The following CNTN1 variants were observed in gnomAD, a reference collection of about 807,000 sequenced individuals.
CNTN1 encodes contactin-1.
In CNTN1, 38 loss-of-function variants were observed where a neutral mutation model predicts 126.4. The ratio of observed to expected loss-of-function variants is 0.30; its 90% CI spans 0.23 to 0.39. CNTN1 has a LOEUF of 0.39. Among genes scored for constraint, CNTN1 ranks in the 10% least tolerant of loss-of-function variants. CNTN1 has a pLI of 1.00. For missense variants in CNTN1, 1,009 were observed against 1,248.4 expected, an observed-to-expected ratio of 0.81 and a Z score of 2.89; for synonymous variants, 413 against 422.6, an observed-to-expected ratio of 0.98 and a Z score of 0.28.
intron 23 of CNTN1, among the ~76,000 whole-genome samples, chr12:41,035,143 C>T (rs879676512): frequency 2.6e-5 from 4 of 152,184 alleles, no homozygotes; most frequent in East Asian, 1.9e-4. Flanking sequence ...CAAGTTCTCA[C>T]AACAACTTCA....
intron 16 of CNTN1, among the ~76,000 whole-genome samples, chr12:40,989,220 G>A (rs74076926): frequency 1.3e-5 from 2 of 152,152 alleles, no homozygotes; most frequent in Non-Finnish European, 2.9e-5. Flanking sequence ...AAGAGAAAAG[G>A]ATCCAATAGT....
At position 40,888,425 on chromosome 12, in the gene CNTN1, A is replaced by G. The variant is rs115418573; in HGVS notation, c.-76-19932A>G. Reference sequence around the variant, plus strand: ...TGTCGAAAATAAAAAGACTTTAGGTACATTAATTTACATTTTTAAGAGTCT... The same window carrying G: ...TGTCGAAAATAAAAAGACTTTAGGTGCATTAATTTACATTTTTAAGAGTCT... On this transcript the variant is annotated intron_variant, in intron 1 of 23. Coordinates refer to ENST00000551295, the MANE Select transcript of CNTN1 (RefSeq NM_001843.4). Among the ~76,000 whole-genome samples the G allele has an allele frequency of 3.6e-3, 556 of 152,340 alleles. 4 individuals carry two copies. Among genetic ancestry groups the G allele is most frequent in the African/African-American group, 0.013 (526 of 41,582 alleles).
At chr12:40,968,102 A>G (rs1023221373) in intron 15 of CNTN1, among the ~76,000 whole-genome samples, 14 of 152,180 alleles carry the variant, frequency 9.2e-5, no homozygotes, top group Admixed American at 6.6e-4. Flanking sequence ...TAATGAGGCT[A>G]AGTTAATCAC....
chr12:40,707,038 G>A (rs533390239), intron 1 of CNTN1, among the ~76,000 whole-genome samples: 9 of 103,938 alleles, frequency 8.7e-5, no homozygotes, highest in South Asian at 6.2e-4. Context: ...GTGCGCGCGC[G>A]CGCTTGCGCA....
At chr12:40,837,705 C>T (rs7969238) in intron 1 of CNTN1, among the ~76,000 whole-genome samples, 14,855 of 152,130 alleles carry the variant, frequency 0.098, 860 homozygotes, top group Non-Finnish European at 0.13. Context: ...AGGAGCAAGC[C>T]GAGAATGTTC....
At chr12:40,760,956 G>T (rs1831124033) in intron 1 of CNTN1, among the ~76,000 whole-genome samples, 1 of 151,834 alleles carries the variant, frequency 6.6e-6, no homozygotes, top group South Asian at 2.1e-4. Flanking sequence ...ACACTGAATT[G>T]TTCCCTTGGA....
chr12:40,740,414 A>G (rs1336079810), intron 1 of CNTN1, among the ~76,000 whole-genome samples: 1 of 152,050 alleles, frequency 6.6e-6, no homozygotes, highest in Admixed American at 6.6e-5. Flanking sequence ...TACTTACAGT[A>G]TTTTCTTCTT....
intron 1 of CNTN1, among the ~76,000 whole-genome samples, chr12:40,857,561 A>G (rs1942956227): frequency 6.6e-6 from 1 of 152,160 alleles, no homozygotes; most frequent in African/African-American, 2.4e-5. Context: ...CTCAGAAAAT[A>G]GACAGAACTA....
At chr12:40,977,430 C>T (rs1947706866) in intron 15 of CNTN1, among the ~76,000 whole-genome samples, 1 of 152,088 alleles carries the variant, frequency 6.6e-6, no homozygotes, top group South Asian at 2.1e-4. Context: ...CCCATCACTT[C>T]CTGAACTAGT....
rs555940723 is a variant in CNTN1 at position 40,972,689 on chromosome 12, T to G, written c.1805-8220T>G. 4.2e-6 allele frequency: 4 copies of G among 961,218 alleles called. No individual in the cohort carries two copies. In the Admixed American group the frequency reaches 2.5e-4, roughly 59 times the overall value. The allele number at this position is 961,218 out of a possible 1,614,324, so 59.5% of individuals were successfully genotyped here. On this transcript the variant is annotated intron_variant, in intron 15 of 23. Coordinates refer to ENST00000551295, the MANE Select transcript of CNTN1 (RefSeq NM_001843.4). ...AATTACTGTTCCAAAAGGAGCTATCTTAGAACTTAGACTAGAGATCCAGAT... is the reference window on the plus strand; with the variant it reads ...AATTACTGTTCCAAAAGGAGCTATCGTAGAACTTAGACTAGAGATCCAGAT...
intron 1 of CNTN1, among the ~76,000 whole-genome samples, chr12:40,823,208 T>G (rs1176235341): frequency 6.7e-6 from 1 of 149,476 alleles, no homozygotes; most frequent in Non-Finnish European, 1.5e-5. Flanking sequence ...TATAAATACT[T>G]TTTATATAAC....
intron 1 of CNTN1, among the ~76,000 whole-genome samples, chr12:40,734,663 C>G (rs114818323): frequency 6.6e-5 from 10 of 152,022 alleles, no homozygotes; most frequent in African/African-American, 2.4e-4. Flanking sequence ...TAATCTGTTA[C>G]CCGGAATTTC....
intron 1 of CNTN1, among the ~76,000 whole-genome samples, chr12:40,897,147 A>G (rs1944440382): frequency 6.6e-6 from 1 of 152,228 alleles, no homozygotes; most frequent in Admixed American, 6.5e-5. Context: ...TGATGAAATG[A>G]TAGTGTATCA....
chr12:40,872,947 T>G (rs1307321774), intron 1 of CNTN1, among the ~76,000 whole-genome samples: 3 of 152,090 alleles, frequency 2.0e-5, no homozygotes, highest in Non-Finnish European at 2.9e-5. Flanking sequence ...TTTTAAAAAA[T>G]GCATAAACTT....
chr12:41,014,374 A>G, intron 18 of CNTN1, 76 bp downstream of exon 18: 3 of 1,446,996 alleles, frequency 2.1e-6, no homozygotes, highest in Admixed American at 3.4e-5. Context: ...GTTTCCTGAA[A>G]TAAATTGAGA....
chr12:40,799,313 A>C (rs2136480677), intron 1 of CNTN1, among the ~76,000 whole-genome samples: 1 of 151,792 alleles, frequency 6.6e-6, no homozygotes, highest in East Asian at 1.9e-4. Flanking sequence ...AATAAAATCC[A>C]TCACTACATA....
At chr12:40,706,792 G>A (rs1321556602) in intron 1 of CNTN1, among the ~76,000 whole-genome samples, 3 of 152,102 alleles carry the variant, frequency 2.0e-5, no homozygotes, top group African/African-American at 7.2e-5. Context: ...TACATTATAA[G>A]GCACTGGCTG....
chr12:41,020,504 A>C, intron 20 of CNTN1, 64 bp downstream of exon 20: 2 of 1,015,258 alleles, frequency 2.0e-6, no homozygotes, highest in Non-Finnish European at 1.5e-6. Context: ...ACGTTTTCAA[A>C]TGTGTTGTAT....
intron 3 of CNTN1, among the ~76,000 whole-genome samples, chr12:40,916,458 C>G (rs1045223253): frequency 6.6e-6 from 1 of 151,956 alleles, no homozygotes; most frequent in South Asian, 2.1e-4. Context: ...TCAGAAAATC[C>G]AGACCTTCCA....
Sources: allele counts gnomAD v4.1 joint callset (sites outside exome capture counted in the v4.1 genomes callset), GRCh38; gene constraint gnomAD v4.1.1; transcripts MANE v1.5; gene names NCBI Gene and HGNC (gene_info 2026-07-23, HGNC 2026-07-21).